Variants in CREBBP observed in about 807,000 individuals in gnomAD.
CREBBP encodes CREB binding lysine acetyltransferase, also known as CREB-binding protein.
CREBBP carries 19 observed loss-of-function variants against 265.0 expected under a neutral mutation model. The observed-to-expected ratio is 0.07, with a 90% confidence interval of 0.05 to 0.11. The LOEUF (loss-of-function observed/expected upper bound fraction) is 0.11. CREBBP is among the 10% of genes least tolerant of loss of function. The pLI, the probability that CREBBP is intolerant of heterozygous loss-of-function variation, is 1.00. For synonymous variants in CREBBP, 1,457 were observed against 1,223.7 expected, an observed-to-expected ratio of 1.19 and a Z score of -3.98; for missense variants, 2,525 against 3,219.0, an observed-to-expected ratio of 0.78 and a Z score of 5.22.
At chr16:3,736,606 C>T (rs747566131) in intron 27 of CREBBP, 44 bp downstream of exon 27, 1 of 1,613,616 alleles carries the variant, frequency 6.2e-7, no homozygotes, top group African/African-American at 1.3e-5. Flanking sequence ...ATATCCTCCC[C>T]TCAGTTGTGA....
intron 1 of CREBBP, among the ~76,000 whole-genome samples, chr16:3,857,595 C>T (rs2141529675): frequency 6.6e-6 from 1 of 152,316 alleles, no homozygotes; most frequent in South Asian, 2.1e-4. Flanking sequence ...TCGGAAGTTC[C>T]TAAGGTTCAC....
At chr16:3,852,162 T>TG (rs901010930) in intron 1 of CREBBP, among the ~76,000 whole-genome samples, 2 of 105,010 alleles carry the variant, frequency 1.9e-5, no homozygotes, top group African/African-American at 3.5e-5. Context: ...AATTTGTTTT[T>TG]TTTTTTTTTT....
intron 2 of CREBBP, among the ~76,000 whole-genome samples, chr16:3,829,165 CTT>C (rs2054295363): frequency 6.6e-6 from 1 of 151,934 alleles, no homozygotes; most frequent in Non-Finnish European, 1.5e-5. Context: ...AAATATAACT[CTT>C]TTTAAAATAT....
chr16:3,838,937 T>C lies in CREBBP; in HGVS notation c.798+11360A>G, dbSNP rs562782600. ...AAATGTTGTGTGGCTATCTCAAATA[T>C]TTTATGTGGCACAGCACCTCGCTAG... On this transcript the variant is annotated intron_variant, in intron 2 of 30. Coordinates refer to ENST00000262367, the MANE Select transcript of CREBBP (RefSeq NM_004380.3). 2.7e-4 allele frequency among the ~76,000 whole-genome samples: 41 copies of C among 152,308 alleles called. 1 individual carries two copies. In the South Asian group the frequency reaches 7.5e-3, roughly 28 times the overall value.
At chr16:3,823,821 C>CA (rs1000776754) in intron 2 of CREBBP, among the ~76,000 whole-genome samples, 1 of 152,178 alleles carries the variant, frequency 6.6e-6, no homozygotes, top group Non-Finnish European at 1.5e-5. Context: ...CACTTCTAGT[C>CA]AGACAGTTCC....
intron 2 of CREBBP, among the ~76,000 whole-genome samples, chr16:3,830,834 T>G (rs1454419541): frequency 6.6e-6 from 1 of 152,170 alleles, no homozygotes; most frequent in Non-Finnish European, 1.5e-5. Flanking sequence ...CAGGCTGAAG[T>G]GCAGTGGCGC....
intron 19 of CREBBP, 55 bp downstream of exon 19, chr16:3,757,233 C>G (rs927331572): frequency 4.4e-6 from 6 of 1,366,508 alleles, no homozygotes; most frequent in Non-Finnish European, 6.2e-6. Flanking sequence ...CAGACTATAA[C>G]CAGATGAACG....
chr16:3,745,094 C>A (rs1373276832), intron 22 of CREBBP, 133 bp from the exon 23 acceptor site: 37 of 898,812 alleles, frequency 4.1e-5, no homozygotes, highest in Non-Finnish European at 6.7e-5. Context: ...AAGAGGCAGA[C>A]TGCTTTGATT....
chr16:3,793,358 C>T (rs760513845), intron 4 of CREBBP, 28 bp downstream of exon 4: 1 of 1,613,354 alleles, frequency 6.2e-7, no homozygotes, highest in Non-Finnish European at 8.5e-7. Flanking sequence ...TGACCTCTAC[C>T]ACTAGGAGTT....
At chr16:3,877,495 C>T (rs1208349826) in intron 1 of CREBBP, among the ~76,000 whole-genome samples, 7 of 152,284 alleles carry the variant, frequency 4.6e-5, no homozygotes, top group East Asian at 1.9e-4. Flanking sequence ...CTCTGCCTCC[C>T]GAGTTCAAGC....
At chr16:3,819,184 C>A (rs887944156) in intron 2 of CREBBP, among the ~76,000 whole-genome samples, 4 of 152,256 alleles carry the variant, frequency 2.6e-5, no homozygotes, top group Admixed American at 2.0e-4. Context: ...TCCATAGAGG[C>A]AACATGCCAT....
chr16:3,798,830 AG>A (rs2053657124), intron 3 of CREBBP, among the ~76,000 whole-genome samples: 1 of 152,234 alleles, frequency 6.6e-6, no homozygotes, highest in Non-Finnish European at 1.5e-5. Context: ...TTCCTATTTT[AG>A]GTATACAACC....
At position 3,735,965 on chromosome 16, in the gene CREBBP, C is replaced by G. The variant is rs1053198842; in HGVS notation, c.4728+71G>C. 6.2e-6 allele frequency: 10 copies of G among 1,613,152 alleles called. No individual in the cohort carries two copies. The African/African-American group carries it at 1.2e-4, about 19-fold the overall frequency. ...CAGGAAGGACCTAACAGTCGACACG[C>G]GCCTCCCAGCCTGCCACCCTGCAGC... On this transcript the variant is annotated intron_variant, in intron 28 of 30. Transcript: ENST00000262367.
At chr16:3,740,702 A>G in intron 23 of CREBBP, 153 bp from the exon 24 acceptor site, 1 of 930,418 alleles carries the variant, frequency 1.1e-6, no homozygotes, top group Non-Finnish European at 1.7e-6. Flanking sequence ...CTGTCCTGTG[A>G]CACGAGTGTT....
chr16:3,785,573 C>T (rs1050205726), intron 5 of CREBBP, among the ~76,000 whole-genome samples: 8 of 152,230 alleles, frequency 5.3e-5, no homozygotes, highest in African/African-American at 1.9e-4. Context: ...GTCCAGGGGA[C>T]GTGCCAGCTA....
intron 2 of CREBBP, among the ~76,000 whole-genome samples, chr16:3,820,043 AC>A (rs1597001584): frequency 6.6e-6 from 1 of 152,238 alleles, no homozygotes; most frequent in Non-Finnish European, 1.5e-5. Flanking sequence ...GTGTAAAAAA[AC>A]AACACAGTTC....
At chr16:3,785,332 C>A (rs2053361057) in intron 5 of CREBBP, among the ~76,000 whole-genome samples, 1 of 152,242 alleles carries the variant, frequency 6.6e-6, no homozygotes, top group African/African-American at 2.4e-5. Context: ...TGAGTACACT[C>A]TGCCAGGCTC....
At chr16:3,875,366 C>T (rs2055378687) in intron 1 of CREBBP, among the ~76,000 whole-genome samples, 2 of 152,158 alleles carry the variant, frequency 1.3e-5, no homozygotes, top group African/African-American at 4.8e-5. Flanking sequence ...GTCTCTATGA[C>T]AACTTTTATT....
In CREBBP at chr16:3,880,006, G is replaced by A. The variant is rs768106256; in HGVS notation, c.-90C>T. On this transcript the variant is annotated 5_prime_UTR_variant, in exon 1 of 31. Transcript: ENST00000262367. The stretch of plus-strand genomic sequence containing the variant: ...GTCGGGGGCCCTGCCGGCTGCGAGG[G>A]AGAGGAGCGAGCGCGGGCCGCGAGC... The A allele has an allele frequency of 2.5e-6, 3 of 1,179,354 alleles. No individual in the cohort carries two copies. The highest frequency in any genetic ancestry group is 4.1e-5 in the South Asian group (2 of 48,248). The allele number at this position is 1,179,354 out of a possible 1,614,324, so 73.1% of individuals were successfully genotyped here. A position where few individuals can be genotyped will look rare whatever the true frequency, so the allele number is the denominator to read the frequency against.
Sources: allele counts gnomAD v4.1 joint callset (sites outside exome capture counted in the v4.1 genomes callset), GRCh38; gene constraint gnomAD v4.1.1; transcripts MANE v1.5; gene names NCBI Gene and HGNC (gene_info 2026-07-23, HGNC 2026-07-21).